SETBP1: variants seen among roughly 807,000 people sequenced by gnomAD.
SETBP1 encodes the protein SET binding protein 1, also known as SET-binding protein.
Under a neutral mutation model 101.0 loss-of-function variants are expected in SETBP1, and 9 were observed. That is an observed-to-expected ratio of 0.09 (90% CI 0.05 to 0.16). SETBP1 has a LOEUF of 0.16. Among genes scored for constraint, SETBP1 ranks in the 10% least tolerant of loss-of-function variants. SETBP1 has a pLI of 1.00. For missense variants in SETBP1, 1,858 were observed against 2,033.8 expected (o/e 0.91, Z 1.66); for synonymous variants, 818 against 788.5 (o/e 1.04, Z -0.63).
At chr18:44,903,709 G>T (rs1019702349) in intron 3 of SETBP1, among the ~76,000 whole-genome samples, 1 of 152,144 alleles carries the variant, frequency 6.6e-6, no homozygotes, top group African/African-American at 2.4e-5. Flanking sequence ...CATCCCCAGG[G>T]TATATCACAG....
At chr18:44,938,679 G>T (rs1038556920) in intron 3 of SETBP1, among the ~76,000 whole-genome samples, 6 of 152,216 alleles carry the variant, frequency 3.9e-5, no homozygotes, top group African/African-American at 1.4e-4. Context: ...ATTTGTGGCT[G>T]GGGTGGAGAC....
intron 3 of SETBP1, among the ~76,000 whole-genome samples, chr18:44,898,445 T>C (rs1397757787): frequency 6.6e-6 from 1 of 152,226 alleles, no homozygotes; most frequent in African/African-American, 2.4e-5. Flanking sequence ...GTGGCTAGAA[T>C]GGAAGCCACC....
At chr18:44,919,106 T>C (rs2070516114) in intron 3 of SETBP1, among the ~76,000 whole-genome samples, 1 of 152,206 alleles carries the variant, frequency 6.6e-6, no homozygotes, top group Non-Finnish European at 1.5e-5. Flanking sequence ...GTCCATTCCA[T>C]TCTCTGCCAT....
Position 45,063,139 on chromosome 18 carries a change from T to C in SETBP1, c.4232T>C (p.Val1411Ala), listed in dbSNP as rs2073914885. 1.2e-6 allele frequency: 2 copies of C among 1,613,688 alleles called. No individual in the cohort carries two copies. The highest frequency in any genetic ancestry group is 1.3e-5 in the African/African-American group (1 of 74,854). ...GAGATCGAAGCCATCCAGTGCGAAG[T>C]GCGGAAGATGTGCAACTACACCAAG... The part of the protein sequence containing the change: ...RREIEAIQCE[V>A]RKMCNYTKIL... The change falls in exon 6 of 6, where the codon GTG (valine) becomes GCG (alanine). Residue 1411 changes from valine to alanine, a missense_variant. Around this residue, in one of 12 missense-constraint regions of SETBP1, gnomAD observed 417 missense variants for 389.1 expected, o/e 1.07. Transcript: ENST00000649279.
intron 1 of SETBP1, among the ~76,000 whole-genome samples, chr18:44,694,659 A>T (rs2068985911): frequency 6.6e-6 from 1 of 152,184 alleles, no homozygotes; most frequent in African/African-American, 2.4e-5. Flanking sequence ...TGGTAAGAGG[A>T]GTAGCTCGAA....
chr18:44,855,254 C>T (rs2072952068), intron 2 of SETBP1, among the ~76,000 whole-genome samples: 1 of 151,382 alleles, frequency 6.6e-6, no homozygotes, highest in African/African-American at 2.4e-5. Flanking sequence ...AGAATAAGGA[C>T]TTTGGGTTTT....
chr18:44,982,248 C>G (rs971946001), intron 4 of SETBP1, among the ~76,000 whole-genome samples: 7 of 152,178 alleles, frequency 4.6e-5, no homozygotes, highest in African/African-American at 1.4e-4. Flanking sequence ...GAAATGCGCA[C>G]AAGCAAAAAG....
intron 2 of SETBP1, among the ~76,000 whole-genome samples, chr18:44,800,843 C>A (rs568345463): frequency 1.3e-5 from 2 of 152,102 alleles, no homozygotes; most frequent in African/African-American, 4.8e-5. Flanking sequence ...ATGTTTATTG[C>A]GGCACTATTC....
chr18:44,701,275 C>CT lies in SETBP1; in HGVS notation c.-68dup. ...TTGTTCTTGGAATTTTGGGTGTCCT[C>CT]TTTTCTCACCTTTCCCTTTTCCCTT... On this transcript the variant is annotated 5_prime_UTR_variant, in exon 2 of 6. Coordinates refer to ENST00000649279, the MANE Select transcript of SETBP1 (RefSeq NM_015559.3). The CT allele has an allele frequency of 6.9e-7, 1 of 1,447,318 alleles. No individual in the cohort carries two copies. Among genetic ancestry groups the CT allele is most frequent in the African/African-American group, 1.4e-5 (1 of 69,794 alleles). The allele number at this position is 1,447,318 out of a possible 1,614,324, so 89.7% of individuals were successfully genotyped here. A position where few individuals can be genotyped will look rare whatever the true frequency, so the allele number is the denominator to read the frequency against.
At chr18:45,027,900 T>C (rs961057403) in intron 4 of SETBP1, among the ~76,000 whole-genome samples, 14 of 152,218 alleles carry the variant, frequency 9.2e-5, no homozygotes, top group Non-Finnish European at 1.5e-5. Context: ...TTCCTTGTTT[T>C]CTAGCTTCTA....
intron 4 of SETBP1, among the ~76,000 whole-genome samples, chr18:45,016,751 A>G (rs1463109012): frequency 6.6e-6 from 1 of 151,206 alleles, no homozygotes; most frequent in African/African-American, 2.4e-5. Context: ...ACACACACAC[A>G]CACACACACA....
chr18:44,839,406 TTGCTGCTGC>T (rs80013756), intron 2 of SETBP1, among the ~76,000 whole-genome samples: 22 of 151,842 alleles, frequency 1.4e-4, no homozygotes, highest in African/African-American at 2.7e-4. Context: ...AACCTGGGTG[TTGCTGCTGC>T]TGCTGCTGCT....
At chr18:45,014,129 C>T (rs1044940714) in intron 4 of SETBP1, among the ~76,000 whole-genome samples, 2 of 152,180 alleles carry the variant, frequency 1.3e-5, no homozygotes, top group Non-Finnish European at 2.9e-5. Flanking sequence ...AAAGCCAGTG[C>T]CTGCTGTACA....
chr18:44,760,394 C>T (rs2070611390), intron 2 of SETBP1, among the ~76,000 whole-genome samples: 1 of 152,150 alleles, frequency 6.6e-6, no homozygotes, highest in Non-Finnish European at 1.5e-5. Flanking sequence ...GTTTAGAAGC[C>T]CAGTTCTGCC....
intron 2 of SETBP1, among the ~76,000 whole-genome samples, chr18:44,754,519 T>C (rs1001272457): frequency 6.6e-6 from 1 of 152,200 alleles, no homozygotes; most frequent in African/African-American, 2.4e-5. Flanking sequence ...TTAGATGAAA[T>C]CATAGAATAG....
chr18:44,976,653 C>T (rs2071995146), intron 4 of SETBP1, among the ~76,000 whole-genome samples: 1 of 152,178 alleles, frequency 6.6e-6, no homozygotes, highest in Non-Finnish European at 1.5e-5. Flanking sequence ...CTATTAGAGT[C>T]ACAGGCTTCC....
intron 5 of SETBP1, among the ~76,000 whole-genome samples, chr18:45,052,363 G>C (rs374079184): frequency 3.3e-5 from 5 of 152,198 alleles, no homozygotes; most frequent in Non-Finnish European, 7.3e-5. Context: ...TAAAGAATGG[G>C]TGGAATATAC....
intron 3 of SETBP1, among the ~76,000 whole-genome samples, chr18:44,900,407 T>C (rs982677680): frequency 2.6e-5 from 4 of 152,232 alleles, no homozygotes; most frequent in African/African-American, 9.6e-5. Context: ...TATAGTGATC[T>C]TTATGCTGCC....
At chr18:44,988,785 T>C (rs2072293926) in intron 4 of SETBP1, 1 of 152,188 alleles carries the variant, frequency 6.6e-6, no homozygotes, top group East Asian at 1.9e-4. Context: ...CCCATCATAG[T>C]CTTCACTATA....
Sources: gnomAD v4.1 joint callset for allele counts (sites outside exome capture counted in the v4.1 genomes callset) on GRCh38, gnomAD v4.1.1 for gene constraint, gnomAD v4.1.1 regional missense constraint, MANE v1.5 for transcripts, NCBI Gene and HGNC (gene_info 2026-07-23, HGNC 2026-07-21) for gene names.